KIF26B: variants seen among roughly 807,000 people sequenced by gnomAD.
KIF26B encodes kinesin-like protein KIF26B.
Under a neutral mutation model 151.2 loss-of-function variants are expected in KIF26B, and 63 were observed. That is an observed-to-expected ratio of 0.42 (90% confidence interval 0.34 to 0.51). KIF26B has a LOEUF of 0.51. Among genes scored for constraint, KIF26B ranks in the 20% least tolerant of loss-of-function variants. The probability of loss-of-function intolerance (pLI) is 0.07; values close to 1 mark genes in which losing one functional copy is unlikely to be tolerated. For synonymous variants in KIF26B, 1,357 were observed against 1,262.1 expected (o/e 1.08, Z -1.59); for missense variants, 2,813 against 2,913.6 (o/e 0.97, Z 0.79).
chr1:245,687,485 C>T lies in KIF26B; in HGVS notation c.4502C>T (p.Pro1501Leu), dbSNP rs1048269671. The T allele has an allele frequency of 3.8e-6, 6 of 1,582,598 alleles. No homozygotes were observed. Among genetic ancestry groups the T allele is most frequent in the Middle Eastern group, 1.7e-4 (1 of 6,028 alleles). ...AGCAGCGGAGAGGTGTCGGCCTCCC[C>T]GGTCACTGACAACTTCAGGAGGGTC... is the stretch of plus-strand genomic sequence containing the variant. ...SSSSGEVSASPVTDNFRRVVD... is the reference protein window; with the variant it reads ...SSSSGEVSASLVTDNFRRVVD... The change falls in exon 12 of 15, where the codon CCG becomes CTG. Residue 1501 changes from proline to leucine, a missense_variant. Around this residue, in one of 3 missense-constraint regions of KIF26B, gnomAD observed 2,060 missense variants for 2,088.6 expected, o/e 0.99. Transcript: ENST00000407071. This position sits in a 1 kb window ranked among gnomAD's most constrained non-coding sequence, Gnocchi z 4.9.
At chr1:245,467,487 A>G (rs1432677833) in intron 4 of KIF26B, among the ~76,000 whole-genome samples, 1 of 152,218 alleles carries the variant, frequency 6.6e-6, no homozygotes, top group Admixed American at 6.5e-5. Flanking sequence ...GTGACTGCAA[A>G]CAAAAAGAGC....
intron 6 of KIF26B, among the ~76,000 whole-genome samples, chr1:245,604,163 T>G (rs1430657841): frequency 6.6e-6 from 1 of 152,214 alleles, no homozygotes; most frequent in Non-Finnish European, 1.5e-5. Flanking sequence ...GCCTGGAGTT[T>G]GCATCTTTCT....
chr1:245,535,536 C>A (rs943045691), intron 4 of KIF26B, among the ~76,000 whole-genome samples: 1 of 152,184 alleles, frequency 6.6e-6, no homozygotes, highest in South Asian at 2.1e-4. Flanking sequence ...CCACTGCACG[C>A]ATCCCTCTCC....
chr1:245,202,676 C>T (rs1303148276), intron 2 of KIF26B, among the ~76,000 whole-genome samples: 2 of 150,994 alleles, frequency 1.3e-5, no homozygotes, highest in Middle Eastern at 3.4e-3. Context: ...AGGAGAATGC[C>T]GTGAACCCGG....
chr1:245,615,038 A>C (rs2043573422), intron 9 of KIF26B: 1 of 151,978 alleles, frequency 6.6e-6, no homozygotes, highest in East Asian at 1.9e-4. Context: ...TCGACAGCAC[A>C]ATTGCATCCA....
At chr1:245,669,611 G>C (rs2044259118) in intron 10 of KIF26B, among the ~76,000 whole-genome samples, 3 of 152,170 alleles carry the variant, frequency 2.0e-5, no homozygotes, top group Admixed American at 1.3e-4. Flanking sequence ...GAAATGCAAA[G>C]CAAACCCCAA....
At chr1:245,446,935 A>AT (rs1281174066) in intron 4 of KIF26B, among the ~76,000 whole-genome samples, 3 of 152,046 alleles carry the variant, frequency 2.0e-5, no homozygotes, top group African/African-American at 7.2e-5. Context: ...AGTAAGTTTC[A>AT]TTTTCTTTCA....
At chr1:245,474,140 G>C (rs938693116) in intron 4 of KIF26B, among the ~76,000 whole-genome samples, 2 of 138,788 alleles carry the variant, frequency 1.4e-5, no homozygotes, top group Non-Finnish European at 3.1e-5. Flanking sequence ...ATGGAGTCTC[G>C]CCCTGTCACC....
At chr1:245,417,105 G>T (rs1022017158) in intron 3 of KIF26B, among the ~76,000 whole-genome samples, 1 of 152,022 alleles carries the variant, frequency 6.6e-6, no homozygotes, top group African/African-American at 2.4e-5. Flanking sequence ...GGCTGTGTCT[G>T]AAAAATGGAG....
At chr1:245,677,660 G>C (rs2044372377) in intron 10 of KIF26B, among the ~76,000 whole-genome samples, 1 of 152,264 alleles carries the variant, frequency 6.6e-6, no homozygotes, top group Non-Finnish European at 1.5e-5. Context: ...CACTTCTGCA[G>C]AGCAGATACC....
chr1:245,206,341 A>G (rs1216080403), intron 2 of KIF26B: 1 of 152,234 alleles, frequency 6.6e-6, no homozygotes, highest in Non-Finnish European at 1.5e-5. Context: ...CACTCTTTGC[A>G]TCTGTCCTGG....
At position 245,326,772 on chromosome 1, in the gene KIF26B, C is replaced by T. The variant is rs534096731; in HGVS notation, c.466-40062C>T. On this transcript the variant is annotated intron_variant, in intron 2 of 14. Transcript: ENST00000407071. Reference sequence around the variant, plus strand: ...TTCCTGTGTTCCTAAGAATCATACTCGGGATTTTAAAAATTCATGTATTTA... The same window carrying T: ...TTCCTGTGTTCCTAAGAATCATACTTGGGATTTTAAAAATTCATGTATTTA... 2.1e-4 allele frequency among the ~76,000 whole-genome samples: 32 copies of T among 152,250 alleles called. No individual in the cohort carries two copies. In the South Asian group the frequency reaches 6.0e-3, roughly 29 times the overall value.
chr1:245,319,303 C>G (rs1671839405), intron 2 of KIF26B, among the ~76,000 whole-genome samples: 1 of 152,228 alleles, frequency 6.6e-6, no homozygotes, highest in South Asian at 2.1e-4. Context: ...GCATAAATAA[C>G]AGCCTGCGGA....
At chr1:245,389,392 C>T (rs914350227) in intron 3 of KIF26B, among the ~76,000 whole-genome samples, 7 of 151,304 alleles carry the variant, frequency 4.6e-5, no homozygotes, top group East Asian at 1.9e-4. Context: ...GGATTACAGG[C>T]GTGAGCCACC....
At chr1:245,651,680 G>A (rs1378054523) in intron 10 of KIF26B, among the ~76,000 whole-genome samples, 1 of 152,198 alleles carries the variant, frequency 6.6e-6, no homozygotes, top group Non-Finnish European at 1.5e-5. Context: ...ATGACCACCT[G>A]AGGGCTGTTG....
intron 2 of KIF26B, among the ~76,000 whole-genome samples, chr1:245,357,721 G>A (rs1253565560): frequency 3.3e-5 from 5 of 152,162 alleles, no homozygotes; most frequent in Non-Finnish European, 5.9e-5. Flanking sequence ...TGAAGGTGCA[G>A]AGGCTGGGAA....
At chr1:245,542,534 C>A (rs2103103937) in intron 5 of KIF26B, among the ~76,000 whole-genome samples, 1 of 152,336 alleles carries the variant, frequency 6.6e-6, no homozygotes, top group East Asian at 1.9e-4. Context: ...GCCCCAGCAT[C>A]ACTGGACATG....
Position 245,367,706 on chromosome 1 carries a change from G to A in KIF26B, c.999+339G>A, listed in dbSNP as rs1328720912. On this transcript the variant is annotated intron_variant, in intron 3 of 14. Coordinates refer to ENST00000407071, the MANE Select transcript of KIF26B (RefSeq NM_018012.4). The surrounding 1 kb of genome is among the most constrained non-coding windows in gnomAD (Gnocchi z 4.2). ...TTACCACATGGCAGAGCCATGAAGA[G>A]GTAGGCCACACAGATACTTGGACTG... 3.3e-5 allele frequency among the ~76,000 whole-genome samples: 5 copies of A among 152,228 alleles called. No individual in the cohort carries two copies. The East Asian group carries it at 7.7e-4, about 23-fold the overall frequency.
At chr1:245,376,850 G>T (rs1673288218) in intron 3 of KIF26B, among the ~76,000 whole-genome samples, 1 of 152,072 alleles carries the variant, frequency 6.6e-6, no homozygotes, top group Non-Finnish European at 1.5e-5. Context: ...ACCACACCCA[G>T]CTAATTTTTG....
Sources: allele counts gnomAD v4.1 joint callset (sites outside exome capture counted in the v4.1 genomes callset), GRCh38; gene constraint gnomAD v4.1.1; regional missense constraint gnomAD v4.1.1; non-coding constraint Gnocchi (gnomAD v3.1); transcripts MANE v1.5; gene names NCBI Gene and HGNC (gene_info 2026-07-23, HGNC 2026-07-21).